Variants in PAX3 observed in about 807,000 individuals in gnomAD.
PAX3 encodes the protein paired box 3, also known as paired box protein Pax-3.
Under a neutral mutation model 51.6 loss-of-function variants are expected in PAX3, and 14 were observed. The observed-to-expected ratio is 0.27, with a 90% confidence interval of 0.18 to 0.42. PAX3 has a LOEUF of 0.42. PAX3 is among the 10% of genes least tolerant of loss of function. The pLI is 1.00. For missense variants in PAX3, 540 were observed against 642.8 expected (o/e 0.84, Z 1.73); for synonymous variants, 280 against 253.4 (o/e 1.11, Z -1.00).
intron 7 of PAX3, among the ~76,000 whole-genome samples, chr2:222,218,037 C>T (rs539350250): frequency 6.6e-6 from 1 of 152,232 alleles, no homozygotes; most frequent in South Asian, 2.1e-4. Flanking sequence ...AGTGGGGTTG[C>T]TACAAAAACC....
chr2:222,201,391 C>G lies in PAX3; in HGVS notation c.*17G>C. ...ACCAGAAACAGGGCCAGTTTTAGCT[C>G]CAAGTGGACAGTTCACTTACGCGAT... On this transcript the variant is annotated 3_prime_UTR_variant, in exon 9 of 9. Coordinates refer to ENST00000392070, the MANE Select transcript of PAX3 (RefSeq NM_181458.4). 6.2e-7 allele frequency: 1 copy of G among 1,613,476 alleles called. No homozygotes were observed. Among genetic ancestry groups the G allele is most frequent in the African/African-American group, 1.3e-5 (1 of 74,806 alleles).
chr2:222,274,091 A>T (rs1478555636), intron 4 of PAX3, among the ~76,000 whole-genome samples: 1 of 152,132 alleles, frequency 6.6e-6, no homozygotes, highest in Non-Finnish European at 1.5e-5. Flanking sequence ...TGCTCTCTCC[A>T]CTGTGCTCTG....
intron 3 of PAX3, 149 bp downstream of exon 3, chr2:222,295,379 A>C (rs967921116): frequency 2.2e-6 from 2 of 929,936 alleles, no homozygotes; most frequent in Non-Finnish European, 3.4e-6. Context: ...AGTGCCAAGA[A>C]CACCGGGTTG....
chr2:222,229,790 CCT>C lies in PAX3; in HGVS notation c.792+2286_792+2287del, dbSNP rs369406549. 6.4e-3 allele frequency among the ~76,000 whole-genome samples: 973 copies of C among 152,316 alleles called. 2 individuals carry two copies. Among genetic ancestry groups the C allele is most frequent in the Middle Eastern group, 0.024 (7 of 294 alleles). On this transcript the variant is annotated intron_variant, in intron 5 of 8. Transcript: ENST00000392070. ...TCTTACGTGTAGCCCACCACTTCTA[CCT>C]CTCTGTGCCTCTGCTCATATAATTC...
At chr2:222,229,647 C>T (rs1186483333) in intron 5 of PAX3, among the ~76,000 whole-genome samples, 1 of 152,152 alleles carries the variant, frequency 6.6e-6, no homozygotes, top group African/African-American at 2.4e-5. Flanking sequence ...CCCAAGACCT[C>T]CATAGGATAT....
At chr2:222,215,407 C>T (rs1251377329) in intron 7 of PAX3, among the ~76,000 whole-genome samples, 1 of 152,120 alleles carries the variant, frequency 6.6e-6, no homozygotes, top group East Asian at 1.9e-4. Context: ...TTCCTATAAA[C>T]AGTGTAACCC....
intron 4 of PAX3, among the ~76,000 whole-genome samples, chr2:222,289,044 T>C (rs1694934008): frequency 1.3e-5 from 2 of 152,242 alleles, no homozygotes; most frequent in Admixed American, 1.3e-4. Flanking sequence ...TAATTCCTAC[T>C]TGTAAAACAA....
chr2:222,238,229 GA>G (rs908433262), intron 4 of PAX3, among the ~76,000 whole-genome samples: 63 of 152,316 alleles, frequency 4.1e-4, no homozygotes, highest in Non-Finnish European at 7.6e-4. Flanking sequence ...GGCTAACCAT[GA>G]AGTTTAATTA....
chr2:222,256,085 C>T (rs1693633182), intron 4 of PAX3, among the ~76,000 whole-genome samples: 1 of 151,966 alleles, frequency 6.6e-6, no homozygotes, highest in Admixed American at 6.6e-5. Context: ...ATATTATTTA[C>T]TCAAAGTTGT....
At chr2:222,287,968 A>G (rs569517015) in intron 4 of PAX3, among the ~76,000 whole-genome samples, 3 of 152,248 alleles carry the variant, frequency 2.0e-5, no homozygotes, top group Non-Finnish European at 4.4e-5. Flanking sequence ...GCACAGTTAC[A>G]TATCCAAAGC....
intron 7 of PAX3, among the ~76,000 whole-genome samples, chr2:222,206,226 T>C (rs1363116157): frequency 6.6e-6 from 1 of 152,054 alleles, no homozygotes; most frequent in Non-Finnish European, 1.5e-5. Flanking sequence ...AATTCAAGGC[T>C]ACCCAGTTCT....
In PAX3 at chr2:222,216,003, C is replaced by T. The variant is rs185897612; in HGVS notation, c.1173+4137G>A. Reference sequence around the variant, plus strand: ...TCATTAGCCTGTCTCCACCCTCTCACGCATCACTGAGAATCTCGCCTTAAA... The same window carrying T: ...TCATTAGCCTGTCTCCACCCTCTCATGCATCACTGAGAATCTCGCCTTAAA... On this transcript the variant is annotated intron_variant, in intron 7 of 8. Coordinates refer to ENST00000392070, the MANE Select transcript of PAX3 (RefSeq NM_181458.4). Among the ~76,000 whole-genome samples the T allele has an allele frequency of 6.6e-5, 10 of 152,304 alleles. No homozygotes were observed. In the East Asian group the frequency reaches 1.4e-3, roughly 21 times the overall value.
intron 4 of PAX3, among the ~76,000 whole-genome samples, chr2:222,274,082 G>A (rs1246436228): frequency 6.6e-6 from 1 of 152,078 alleles, no homozygotes; most frequent in East Asian, 1.9e-4. Context: ...TCCTTAATAT[G>A]CTCTCTCCAC....
intron 7 of PAX3, among the ~76,000 whole-genome samples, chr2:222,211,827 G>A (rs911534819): frequency 2.6e-5 from 4 of 152,150 alleles, no homozygotes; most frequent in African/African-American, 9.7e-5. Context: ...GTAGGCTAAT[G>A]TGCACTCGTA....
At chr2:222,293,630 A>G in intron 4 of PAX3, 1 of 1,613,416 alleles carries the variant, frequency 6.2e-7, no homozygotes, top group South Asian at 1.1e-5. Flanking sequence ...AACAAATCAA[A>G]CCAGTCAACA....
intron 4 of PAX3, 40 bp from the exon 5 acceptor site, chr2:222,232,323 C>CA (rs767131494): frequency 1.5e-5 from 24 of 1,570,968 alleles, no homozygotes; most frequent in Admixed American, 3.4e-5. Context: ...AAATGTGAAT[C>CA]AAAAAAATAA....
intron 4 of PAX3, among the ~76,000 whole-genome samples, chr2:222,234,032 T>C (rs1463063369): frequency 6.6e-6 from 1 of 152,148 alleles, no homozygotes; most frequent in Non-Finnish European, 1.5e-5. Flanking sequence ...TCATTCTATT[T>C]CAGTAGAAAT....
intron 1 of PAX3, chr2:222,298,289 C>G (rs1695413850): frequency 1.8e-6 from 1 of 554,976 alleles, no homozygotes; most frequent in Non-Finnish European, 3.2e-6. Context: ...AGGGACAAGT[C>G]TCCCCGGCTC....
intron 7 of PAX3, among the ~76,000 whole-genome samples, chr2:222,216,679 A>G (rs751248516): frequency 2.0e-5 from 3 of 151,928 alleles, no homozygotes; most frequent in Non-Finnish European, 4.4e-5. Flanking sequence ...ACACAAAACA[A>G]AAACCAACTA....
Sources: gnomAD v4.1 joint callset for allele counts (sites outside exome capture counted in the v4.1 genomes callset) on GRCh38, gnomAD v4.1.1 for gene constraint, MANE v1.5 for transcripts, NCBI Gene and HGNC (gene_info 2026-07-23, HGNC 2026-07-21) for gene names.